ADAMTSL1: variants seen among roughly 807,000 people sequenced by gnomAD.
ADAMTSL1 encodes the protein ADAMTS like 1, also known as ADAMTS-like protein 1.
ADAMTSL1 carries 126 observed loss-of-function variants against 201.8 expected under a neutral mutation model. The ratio of observed to expected loss-of-function variants is 0.62; its 90% CI spans 0.54 to 0.72. ADAMTSL1 has a LOEUF of 0.72. Among genes scored for constraint, ADAMTSL1 ranks in the 30% least tolerant of loss-of-function variants. The probability of loss-of-function intolerance (pLI) is 0.00; values close to 1 mark genes in which losing one functional copy is unlikely to be tolerated. For synonymous variants in ADAMTSL1, 1,121 were observed against 903.4 expected (o/e 1.24, Z -4.32); for missense variants, 2,679 against 2,277.8 (o/e 1.18, Z -3.59).
At chr9:18,575,367 A>G (rs1822646547) in intron 4 of ADAMTSL1, among the ~76,000 whole-genome samples, 1 of 152,208 alleles carries the variant, frequency 6.6e-6, no homozygotes, top group South Asian at 2.1e-4. Flanking sequence ...GATGAAACAT[A>G]TCTTAAGGTT....
intron 10 of ADAMTSL1, among the ~76,000 whole-genome samples, chr9:18,677,781 T>G (rs1458526385): frequency 1.3e-5 from 2 of 152,088 alleles, no homozygotes; most frequent in African/African-American, 4.8e-5. Context: ...GGCATGTCTA[T>G]GTATCACAAT....
At chr9:18,898,975 C>G (rs7031202) in intron 26 of ADAMTSL1, among the ~76,000 whole-genome samples, 2 of 151,874 alleles carry the variant, frequency 1.3e-5, no homozygotes, top group Admixed American at 1.3e-4. Context: ...AGAAAGAAAG[C>G]AAGCATATTC....
chr9:18,009,487 A>C (rs1274103093), intron 1 of ADAMTSL1, among the ~76,000 whole-genome samples: 2 of 152,072 alleles, frequency 1.3e-5, no homozygotes, highest in African/African-American at 4.8e-5. Flanking sequence ...TGCAGGGCCA[A>C]TTAATAGGCA....
chr9:18,870,315 G>A (rs1827808533), intron 23 of ADAMTSL1, among the ~76,000 whole-genome samples: 1 of 152,178 alleles, frequency 6.6e-6, no homozygotes, highest in African/African-American at 2.4e-5. Context: ...CATTATAGAT[G>A]TACGGATATA....
intron 5 of ADAMTSL1, among the ~76,000 whole-genome samples, chr9:18,630,675 G>A (rs112749585): frequency 1.6e-3 from 240 of 152,178 alleles, no homozygotes; most frequent in African/African-American, 5.6e-3. Context: ...TTTTTTGCCT[G>A]ATGTCCAATA....
At chr9:18,592,434 G>A (rs1017237417) in intron 4 of ADAMTSL1, among the ~76,000 whole-genome samples, 1 of 152,148 alleles carries the variant, frequency 6.6e-6, no homozygotes, top group Non-Finnish European at 1.5e-5. Context: ...TTCAAATGCT[G>A]AATGTCCACA....
At chr9:18,271,775 A>G (rs1353448767) in intron 2 of ADAMTSL1, among the ~76,000 whole-genome samples, 1 of 152,190 alleles carries the variant, frequency 6.6e-6, no homozygotes, top group African/African-American at 2.4e-5. Context: ...TGGTTGAACC[A>G]GTTTACACTC....
intron 2 of ADAMTSL1, among the ~76,000 whole-genome samples, chr9:18,400,711 A>T (rs1008733585): frequency 6.6e-6 from 1 of 152,190 alleles, no homozygotes. Context: ...TCTACAGACT[A>T]TCTTTGGGTT....
intron 2 of ADAMTSL1, among the ~76,000 whole-genome samples, chr9:18,452,412 T>C (rs1479832597): frequency 6.6e-6 from 1 of 152,156 alleles, no homozygotes; most frequent in Non-Finnish European, 1.5e-5. Flanking sequence ...CTGTCACTAA[T>C]CCCCGAAGTC....
At chr9:18,117,651 T>A (rs1825312983) in intron 1 of ADAMTSL1, among the ~76,000 whole-genome samples, 11 of 152,188 alleles carry the variant, frequency 7.2e-5, no homozygotes. Flanking sequence ...AACTTAATTA[T>A]TTATTACATT....
intron 2 of ADAMTSL1, among the ~76,000 whole-genome samples, chr9:18,252,896 G>A (rs1273145917): frequency 6.6e-6 from 1 of 152,046 alleles, no homozygotes; most frequent in African/African-American, 2.4e-5. Context: ...GAGAATCTCT[G>A]GAAAGCAAGC....
chr9:18,499,202 C>T (rs140842867), intron 1 of ADAMTSL1, among the ~76,000 whole-genome samples: 27 of 152,308 alleles, frequency 1.8e-4, no homozygotes, highest in African/African-American at 6.0e-4. Context: ...ACCAGATGAT[C>T]CAAATTTCCT....
At chr9:18,184,208 C>T (rs1828628997) in intron 2 of ADAMTSL1, among the ~76,000 whole-genome samples, 1 of 152,134 alleles carries the variant, frequency 6.6e-6, no homozygotes, top group African/African-American at 2.4e-5. Context: ...AGTCTGATAG[C>T]AATTGTGGTG....
At chr9:18,652,623 T>G (rs1292871474) in intron 7 of ADAMTSL1, among the ~76,000 whole-genome samples, 4 of 152,220 alleles carry the variant, frequency 2.6e-5, no homozygotes, top group African/African-American at 7.2e-5. Context: ...TTATAAAACA[T>G]GCTTTGTGTT....
intron 2 of ADAMTSL1, among the ~76,000 whole-genome samples, chr9:18,427,715 G>A (rs1819288830): frequency 6.6e-6 from 1 of 152,238 alleles, no homozygotes; most frequent in African/African-American, 2.4e-5. Context: ...AGCTTCAGGA[G>A]ATAAGCACAA....
intron 2 of ADAMTSL1, among the ~76,000 whole-genome samples, chr9:18,275,981 C>G (rs1031730705): frequency 1.3e-5 from 2 of 150,430 alleles, no homozygotes; most frequent in African/African-American, 5.0e-5. Context: ...TTTCCACCAG[C>G]AATATATGAG....
chr9:18,523,825 T>C (rs1460521988), intron 2 of ADAMTSL1, among the ~76,000 whole-genome samples: 2 of 139,006 alleles, frequency 1.4e-5, no homozygotes, highest in Non-Finnish European at 3.1e-5. Context: ...ACCAGTACCA[T>C]GCTGTTTTGG....
chr9:18,794,633 T>TG (rs368892067), intron 19 of ADAMTSL1, among the ~76,000 whole-genome samples: 16 of 114,858 alleles, frequency 1.4e-4, no homozygotes, highest in African/African-American at 3.6e-4. Flanking sequence ...GTTGTTTTTT[T>TG]TTGTTGTTGT....
intron 2 of ADAMTSL1, among the ~76,000 whole-genome samples, chr9:18,342,156 G>A (rs1466649572): frequency 6.6e-6 from 1 of 152,104 alleles, no homozygotes; most frequent in Non-Finnish European, 1.5e-5. Flanking sequence ...TTCTCCCAGT[G>A]TCTATACGTG....
Sources: allele counts gnomAD v4.1 joint callset (sites outside exome capture counted in the v4.1 genomes callset), GRCh38; gene constraint gnomAD v4.1.1; transcripts MANE v1.5; gene names NCBI Gene and HGNC (gene_info 2026-07-23, HGNC 2026-07-21).